The following TRPM3 variants were observed in gnomAD, a reference collection of about 807,000 sequenced individuals.
The protein encoded by TRPM3 is long transient receptor potential channel 3.
In TRPM3, 77 loss-of-function variants were observed where a neutral mutation model predicts 181.2. That is an observed-to-expected ratio of 0.42 (90% CI 0.35 to 0.51). The LOEUF (loss-of-function observed/expected upper bound fraction) is 0.51. Among genes scored for constraint, TRPM3 ranks in the 20% least tolerant of loss-of-function variants. TRPM3 has a pLI of 0.01. For missense variants in TRPM3, 1,759 were observed against 2,196.7 expected, an observed-to-expected ratio of 0.80 and a Z score of 3.98; for synonymous variants, 745 against 796.4, an observed-to-expected ratio of 0.94 and a Z score of 1.09.
intron 1 of TRPM3, among the ~76,000 whole-genome samples, chr9:71,198,396 T>G (rs953742708): frequency 1.3e-5 from 2 of 152,116 alleles, no homozygotes; most frequent in African/African-American, 4.8e-5. Flanking sequence ...TAGCTTTTTC[T>G]AATTCTGTGA....
At chr9:71,263,768 C>G (rs923966241) in intron 1 of TRPM3, among the ~76,000 whole-genome samples, 1 of 152,088 alleles carries the variant, frequency 6.6e-6, no homozygotes, top group African/African-American at 2.4e-5. Flanking sequence ...CCCAAACACA[C>G]CTATTCTTTT....
At chr9:70,754,114 G>A (rs1356315182) in intron 8 of TRPM3, among the ~76,000 whole-genome samples, 1 of 152,154 alleles carries the variant, frequency 6.6e-6, no homozygotes, top group African/African-American at 2.4e-5. Context: ...TTCTGCAGGA[G>A]CTCAGAGGAC....
chr9:71,226,218 T>C (rs1210864240), intron 1 of TRPM3, among the ~76,000 whole-genome samples: 1 of 151,684 alleles, frequency 6.6e-6, no homozygotes, highest in Non-Finnish European at 1.5e-5. Context: ...AATTAAAACT[T>C]ATCACCAGAG....
upstream of TRPM3, among the ~76,000 whole-genome samples, chr9:71,125,271 G>A (rs973860083): frequency 2.3e-4 from 35 of 152,104 alleles, no homozygotes; most frequent in Non-Finnish European, 1.5e-4. Context: ...AGGTAAATGT[G>A]TGCCATGGTG....
At chr9:70,943,793 G>A (rs577855010) in intron 1 of TRPM3, among the ~76,000 whole-genome samples, 6 of 152,026 alleles carry the variant, frequency 3.9e-5, no homozygotes, top group Non-Finnish European at 7.4e-5. Flanking sequence ...TTTTCTTGAG[G>A]AGCAGCCTCT....
chr9:71,381,169 G>A (rs907682543), intron 1 of TRPM3, among the ~76,000 whole-genome samples: 2 of 152,092 alleles, frequency 1.3e-5, no homozygotes, highest in Non-Finnish European at 2.9e-5. Flanking sequence ...TACATAATAT[G>A]GTAGAGCCTA....
chr9:71,243,875 C>T (rs1213439167), intron 1 of TRPM3, among the ~76,000 whole-genome samples: 1 of 152,034 alleles, frequency 6.6e-6, no homozygotes, highest in Non-Finnish European at 1.5e-5. Context: ...AAAATACAGA[C>T]TTTACCCTTG....
chr9:70,966,656 C>T (rs10780984), intron 1 of TRPM3, among the ~76,000 whole-genome samples: 26,787 of 152,070 alleles, frequency 0.18, 2,807 homozygotes, highest in Non-Finnish European at 0.22. Context: ...AAACCAAACA[C>T]CGCGTGTTCT....
At chr9:71,323,251 G>A (rs549713639) in intron 1 of TRPM3, among the ~76,000 whole-genome samples, 1 of 152,224 alleles carries the variant, frequency 6.6e-6, no homozygotes, top group African/African-American at 2.4e-5. Context: ...ATGAGTGAAA[G>A]TGAATTTAAA....
At chr9:71,120,810 G>A (rs993122641) in intron 1 of TRPM3, among the ~76,000 whole-genome samples, 2 of 152,120 alleles carry the variant, frequency 1.3e-5, no homozygotes, top group African/African-American at 4.8e-5. Flanking sequence ...AAGCCCAGGA[G>A]CCAAACACAA....
intron 1 of TRPM3, among the ~76,000 whole-genome samples, chr9:71,310,038 G>A (rs181223983): frequency 6.6e-6 from 1 of 152,116 alleles, no homozygotes; most frequent in East Asian, 1.9e-4. Flanking sequence ...CCTAAACTAT[G>A]AATATTTGTA....
At chr9:70,809,603 G>A (rs1204761927) in intron 6 of TRPM3, among the ~76,000 whole-genome samples, 1 of 152,182 alleles carries the variant, frequency 6.6e-6, no homozygotes, top group African/African-American at 2.4e-5. Flanking sequence ...TATAGCCTAG[G>A]TGTGTAGTAG....
At chr9:70,806,485 G>A (rs2090709653) in intron 6 of TRPM3, among the ~76,000 whole-genome samples, 1 of 152,072 alleles carries the variant, frequency 6.6e-6, no homozygotes, top group African/African-American at 2.4e-5. Context: ...AAGGTAAGGA[G>A]TTTGAGACCA....
chr9:70,998,842 A>C (rs760178964), intron 1 of TRPM3, among the ~76,000 whole-genome samples: 3 of 152,134 alleles, frequency 2.0e-5, no homozygotes, highest in Non-Finnish European at 4.4e-5. Context: ...TTTATTTTGT[A>C]ATAATGGTCT....
chr9:70,745,369 C>T (rs892379999), intron 8 of TRPM3, among the ~76,000 whole-genome samples: 8 of 152,030 alleles, frequency 5.3e-5, no homozygotes, highest in Non-Finnish European at 1.2e-4. Flanking sequence ...AGTTTCAGAA[C>T]CTCAAAAATT....
intron 1 of TRPM3, among the ~76,000 whole-genome samples, chr9:71,445,403 A>G (rs2094190104): frequency 6.6e-6 from 1 of 152,216 alleles, no homozygotes; most frequent in African/African-American, 2.4e-5. Flanking sequence ...TTTCTAAACA[A>G]TATTTCTACA....
At chr9:71,240,638 T>A (rs560234762) in intron 1 of TRPM3, among the ~76,000 whole-genome samples, 2 of 150,714 alleles carry the variant, frequency 1.3e-5, no homozygotes, top group African/African-American at 5.0e-5. Context: ...AACAAATATA[T>A]CTTCTCTTGT....
chr9:70,540,117 C>T (rs2131630852), intron 25 of TRPM3, among the ~76,000 whole-genome samples: 1 of 152,274 alleles, frequency 6.6e-6, no homozygotes, highest in Admixed American at 6.5e-5. Flanking sequence ...GTATTACAGG[C>T]ATGAGCCACT....
intron 6 of TRPM3, among the ~76,000 whole-genome samples, chr9:70,794,559 C>T (rs1425060639): frequency 6.6e-6 from 1 of 152,172 alleles, no homozygotes; most frequent in African/African-American, 2.4e-5. Flanking sequence ...TGGCTAGTCT[C>T]ACTCTCTCGG....
Sources: allele counts gnomAD v4.1 joint callset (sites outside exome capture counted in the v4.1 genomes callset), GRCh38; gene constraint gnomAD v4.1.1; transcripts MANE v1.5; gene names NCBI Gene and HGNC (gene_info 2026-07-23, HGNC 2026-07-21).